Variants in COL22A1 observed in about 807,000 individuals in gnomAD.
COL22A1 encodes the protein collagen alpha-1(XXII) chain.
In COL22A1, 221 loss-of-function variants were observed where a neutral mutation model predicts 248.9. That is an observed-to-expected ratio of 0.89 (90% confidence interval 0.80 to 0.99). The LOEUF is 0.99. Ranked by LOEUF, COL22A1 falls within the 50% of genes least tolerant of loss-of-function variation. The pLI is 0.00. For missense variants in COL22A1, 2,240 were observed against 2,179.0 expected (o/e 1.03, Z -0.56); for synonymous variants, 891 against 793.4 (o/e 1.12, Z -2.07).
chr8:138,755,444 C>G, intron 20 of COL22A1, 38 bp downstream of exon 20: 1 of 1,603,598 alleles, frequency 6.2e-7, no homozygotes, highest in South Asian at 1.1e-5. Context: ...CTGCTGTGAC[C>G]TAAATCCCCA....
rs537565322 is a variant in COL22A1, at chr8:138,597,903, G to A, written c.4365+816C>T. Among the ~76,000 whole-genome samples, 24 of 152,258 alleles carry A rather than the reference G, an allele frequency of 1.6e-4. No homozygotes were observed. In the South Asian group the frequency reaches 2.3e-3, roughly 14 times the overall value. ...AAGAGACAGGCTCTGGCTGCCTGGC[G>A]TCTTTCAGGGCACCTGAAACCCAGG... On this transcript the variant is annotated intron_variant, in intron 61 of 64. Transcript: ENST00000303045.
Position 138,822,096 on chromosome 8 carries a change from G to T in COL22A1, c.970-685C>A, listed in dbSNP as rs181499378. On this transcript the variant is annotated intron_variant, in intron 6 of 64. Coordinates refer to ENST00000303045, the MANE Select transcript of COL22A1 (RefSeq NM_152888.3). ...GTCTCACTCTGTTGCCCAGGCTGGA[G>T]TGCAGTTGTGTGATCTCAGCTCACT... Among the ~76,000 whole-genome samples, 1,036 of 152,254 alleles carry T rather than the reference G, an allele frequency of 6.8e-3. 15 individuals are homozygous for T. Among genetic ancestry groups the T allele is most frequent in the African/African-American group, 0.024 (990 of 41,540 alleles).
At chr8:138,909,886 C>A (rs1331422035) in intron 1 of COL22A1, among the ~76,000 whole-genome samples, 2 of 152,150 alleles carry the variant, frequency 1.3e-5, no homozygotes, top group East Asian at 3.9e-4. Context: ...GTCCTGAGAA[C>A]CATCAAAATA....
intron 37 of COL22A1, among the ~76,000 whole-genome samples, chr8:138,685,718 G>A (rs1437467041): frequency 6.6e-6 from 1 of 152,104 alleles, no homozygotes; most frequent in Non-Finnish European, 1.5e-5. Flanking sequence ...AGAGAGGCCT[G>A]GAACAAATGC....
chr8:138,836,618 C>T (rs546210262), intron 4 of COL22A1, among the ~76,000 whole-genome samples: 7 of 152,272 alleles, frequency 4.6e-5, no homozygotes, highest in African/African-American at 1.7e-4. Flanking sequence ...CTCCCTGACA[C>T]CAATATCCTG....
intron 57 of COL22A1, 46 bp from the exon 58 acceptor site, chr8:138,606,498 A>C: frequency 6.3e-7 from 1 of 1,581,536 alleles, no homozygotes; most frequent in Non-Finnish European, 8.6e-7. Flanking sequence ...TCACGTACCA[A>C]CTCAAGCAGA....
intron 18 of COL22A1, among the ~76,000 whole-genome samples, chr8:138,758,739 T>G (rs1833225343): frequency 6.6e-6 from 1 of 152,128 alleles, no homozygotes; most frequent in African/African-American, 2.4e-5. Flanking sequence ...GCTTCACTGG[T>G]TTCTTAATTA....
At chr8:138,882,236 GCT>G (rs1272907106) in intron 2 of COL22A1, among the ~76,000 whole-genome samples, 2 of 151,874 alleles carry the variant, frequency 1.3e-5, no homozygotes, top group African/African-American at 4.8e-5. Flanking sequence ...TCTCTGTCAC[GCT>G]CTCTCCTCCT....
At chr8:138,720,330 G>C (rs1394321660) in intron 27 of COL22A1, among the ~76,000 whole-genome samples, 1 of 152,142 alleles carries the variant, frequency 6.6e-6, no homozygotes, top group African/African-American at 2.4e-5. Context: ...TTCAGAGAGA[G>C]CGAGCGAGCA....
chr8:138,634,932 C>CTCAGTCAGAT (rs1821022114), intron 49 of COL22A1, 78 bp downstream of exon 49: 1 of 976,132 alleles, frequency 1.0e-6, no homozygotes. Flanking sequence ...TGCTCAGTGT[C>CTCAGTCAGAT]ATACCATGCC....
intron 41 of COL22A1, among the ~76,000 whole-genome samples, chr8:138,670,519 C>A (rs1237112264): frequency 1.3e-5 from 2 of 152,104 alleles, no homozygotes; most frequent in Non-Finnish European, 2.9e-5. Flanking sequence ...ATCTAGCCAG[C>A]CTAATTCTTG....
intron 30 of COL22A1, among the ~76,000 whole-genome samples, chr8:138,715,002 T>G (rs528186955): frequency 2.8e-4 from 43 of 152,108 alleles, no homozygotes; most frequent in Non-Finnish European, 4.4e-4. Context: ...GGGGCAGTGG[T>G]GTTCAGAGAG....
chr8:138,593,745 C>T (rs1817284747), intron 63 of COL22A1, among the ~76,000 whole-genome samples: 1 of 152,122 alleles, frequency 6.6e-6, no homozygotes, highest in South Asian at 2.1e-4. Context: ...TGTTTACCTC[C>T]CTGAAACTTG....
intron 41 of COL22A1, among the ~76,000 whole-genome samples, chr8:138,666,767 T>A (rs1824539665): frequency 6.6e-6 from 1 of 152,204 alleles, no homozygotes; most frequent in Admixed American, 6.5e-5. Context: ...AGGATCCACT[T>A]TGAGCATTTA....
intron 3 of COL22A1, among the ~76,000 whole-genome samples, chr8:138,862,314 G>A (rs772545179): frequency 7.9e-5 from 12 of 152,120 alleles, no homozygotes; most frequent in Admixed American, 2.6e-4. Flanking sequence ...AATTCTTCCC[G>A]TGGCCACAAC....
chr8:138,607,855 G>C, intron 57 of COL22A1, 81 bp downstream of exon 57: 1 of 1,350,686 alleles, frequency 7.4e-7, no homozygotes, highest in Non-Finnish European at 1.1e-6. Flanking sequence ...AGGGACAGAG[G>C]CTGGACAATC....
chr8:138,700,117 T>C lies in COL22A1; in HGVS notation c.2587A>G (p.Met863Val), dbSNP rs879536410. The change falls in exon 32 of 65, where the codon ATG becomes GTG. Residue 863 changes from methionine to valine, a missense_variant. Physicochemically the swap from Met to Val is conservative, Grantham distance 21. Transcript: ENST00000303045. ...TTSLFTPHPR[M>V]PGEQGPKGEK... The stretch of plus-strand genomic sequence containing the variant: ...GAGGCACCGCTACTACTTACGGGCA[T>C]CCGTGGATGTGGTGTGAACAGGGAT... 156 of 1,613,366 alleles carry C rather than the reference T, an allele frequency of 9.7e-5. No homozygotes were observed. In the Admixed American group the frequency reaches 2.6e-3, roughly 27 times the overall value.
chr8:138,855,255 CCTT>C (rs1489493049), intron 3 of COL22A1, among the ~76,000 whole-genome samples: 1 of 152,246 alleles, frequency 6.6e-6, no homozygotes, highest in Non-Finnish European at 1.5e-5. Context: ...TTAACTGAAT[CCTT>C]CTAACAACCC....
intron 4 of COL22A1, among the ~76,000 whole-genome samples, chr8:138,839,201 T>C (rs919172395): frequency 3.9e-5 from 6 of 152,170 alleles, no homozygotes; most frequent in African/African-American, 1.4e-4. Context: ...AAGGAATTCA[T>C]GACCCACTAT....
Sources: allele counts gnomAD v4.1 joint callset (sites outside exome capture counted in the v4.1 genomes callset), GRCh38; gene constraint gnomAD v4.1.1; transcripts MANE v1.5; gene names NCBI Gene and HGNC (gene_info 2026-07-23, HGNC 2026-07-21).